CATSPERT: variants seen among roughly 807,000 people sequenced by gnomAD.
CATSPERT encodes the protein cation channel sperm-associated targeting subunit tau.
chr2:201,528,944 T>A, the CATSPERT span, among the ~76,000 whole-genome samples: 1 of 152,022 alleles, frequency 6.6e-6, no homozygotes, highest in African/African-American at 2.4e-5. Context: ...CAAAAATTAG[T>A]AGTTTCTATA....
At chr2:201,586,286 T>G in the CATSPERT span, among the ~76,000 whole-genome samples, 1 of 151,968 alleles carries the variant, frequency 6.6e-6, no homozygotes, top group Non-Finnish European at 1.5e-5. Flanking sequence ...GGGGGGTCAG[T>G]GCCTCAGTGC....
chr2:201,601,836 T>C, the CATSPERT span: 31 of 1,609,126 alleles, frequency 1.9e-5, no homozygotes, highest in Non-Finnish European at 2.5e-5. Flanking sequence ...TTTCACAGCT[T>C]TGTTTATAGA....
At chr2:201,538,286 T>C in the CATSPERT span, among the ~76,000 whole-genome samples, 2 of 152,154 alleles carry the variant, frequency 1.3e-5, no homozygotes, top group African/African-American at 2.4e-5. Flanking sequence ...GACTGGCTTA[T>C]TTCACTTAGT....
chr2:201,560,651 A>T, the CATSPERT span, among the ~76,000 whole-genome samples: 1 of 152,126 alleles, frequency 6.6e-6, no homozygotes. Flanking sequence ...TCACATTATG[A>T]GAGTTCCAGA....
chr2:201,522,994 TAG>T, the CATSPERT span, among the ~76,000 whole-genome samples: 4 of 152,282 alleles, frequency 2.6e-5, no homozygotes, highest in East Asian at 7.7e-4. Flanking sequence ...GCCACTGCCA[TAG>T]CTCTTTGGCT....
At chr2:201,577,112 AAAT>A in the CATSPERT span, among the ~76,000 whole-genome samples, 2 of 152,208 alleles carry the variant, frequency 1.3e-5, no homozygotes, top group Non-Finnish European at 2.9e-5. Context: ...TTCATGCACA[AAAT>A]TATTTAAAAT....
the CATSPERT span, among the ~76,000 whole-genome samples, chr2:201,560,330 C>T: frequency 1.3e-5 from 2 of 151,614 alleles, no homozygotes; most frequent in South Asian, 2.1e-4. Context: ...GGCTGAGGCA[C>T]GAGAACTCCT....
the CATSPERT span, among the ~76,000 whole-genome samples, chr2:201,598,141 A>G: frequency 7.9e-5 from 12 of 152,298 alleles, no homozygotes; most frequent in Admixed American, 2.6e-4. Flanking sequence ...TCACTCTGTC[A>G]CTCAAGCTGG....
chr2:201,563,328 C>A, the CATSPERT span, among the ~76,000 whole-genome samples: 3 of 136,910 alleles, frequency 2.2e-5, no homozygotes, highest in Non-Finnish European at 4.8e-5. Context: ...CTGACCCCCC[C>A]ACCTCCCTCC....
At chr2:201,505,255 G>A in the CATSPERT span, among the ~76,000 whole-genome samples, 2 of 152,078 alleles carry the variant, frequency 1.3e-5, no homozygotes, top group Non-Finnish European at 2.9e-5. Flanking sequence ...GCTAATTTTT[G>A]TATTTTTAGT....
At chr2:201,522,268 T>C in the CATSPERT span, among the ~76,000 whole-genome samples, 2 of 152,154 alleles carry the variant, frequency 1.3e-5, no homozygotes, top group Non-Finnish European at 2.9e-5. Context: ...ATGTAAAGAC[T>C]CTACCAAAAA....
chr2:201,613,907 C>T, the CATSPERT span, among the ~76,000 whole-genome samples: 1,721 of 152,108 alleles, frequency 0.011, 13 homozygotes, highest in Non-Finnish European at 0.017. Context: ...AACTATGTGA[C>T]GCATGCACAA....
At chr2:201,518,646 A>T in the CATSPERT span, among the ~76,000 whole-genome samples, 8 of 152,368 alleles carry the variant, frequency 5.3e-5, no homozygotes, top group East Asian at 1.5e-3. Flanking sequence ...AGCTGTCTGT[A>T]GAATGGATTC....
At chr2:201,501,776 C>A in the CATSPERT span, among the ~76,000 whole-genome samples, 2 of 152,128 alleles carry the variant, frequency 1.3e-5, no homozygotes, top group Non-Finnish European at 2.9e-5. Context: ...TGTACACCAA[C>A]AAGTTGGATA....
chr2:201,530,961 G>GGTTTTTTT, the CATSPERT span, among the ~76,000 whole-genome samples: 1 of 106,042 alleles, frequency 9.4e-6, no homozygotes, highest in South Asian at 3.4e-4. Flanking sequence ...TTTTTTGTGG[G>GGTTTTTTT]TTTTTTTTTT....
chr2:201,510,253 G>A, the CATSPERT span, among the ~76,000 whole-genome samples: 1 of 147,342 alleles, frequency 6.8e-6, no homozygotes, highest in South Asian at 2.1e-4. Flanking sequence ...AGACCAGCCT[G>A]GCCAACATGG....
the CATSPERT span, chr2:201,537,602 G>C: frequency 1.1e-5 from 8 of 715,176 alleles, no homozygotes; most frequent in East Asian, 2.0e-4. Flanking sequence ...TTAAATCAAA[G>C]CAGCTATCCA....
the CATSPERT span, among the ~76,000 whole-genome samples, chr2:201,529,089 G>C: frequency 6.6e-6 from 1 of 151,942 alleles, no homozygotes; most frequent in African/African-American, 2.4e-5. Flanking sequence ...AAACACTGAG[G>C]AAAGAAAGAA....
the CATSPERT span, among the ~76,000 whole-genome samples, chr2:201,532,837 A>G: frequency 3.0e-4 from 45 of 152,326 alleles, no homozygotes; most frequent in South Asian, 9.3e-3. Flanking sequence ...ATTTGGTAAT[A>G]TATTAGTCAT....
Sources: gnomAD v4.1 joint callset for allele counts (sites outside exome capture counted in the v4.1 genomes callset) on GRCh38, gnomAD v4.1.1 for gene constraint, MANE v1.5 for transcripts, NCBI Gene and HGNC (gene_info 2026-07-23, HGNC 2026-07-21) for gene names.